Variants in LRRFIP2 observed in about 807,000 individuals in gnomAD.
The protein encoded by LRRFIP2 is LRR binding FLII interacting protein 2.
In LRRFIP2, 109 loss-of-function variants were observed where a neutral mutation model predicts 125.9. That is an observed-to-expected ratio of 0.87 (90% CI 0.74 to 1.01). The LOEUF is 1.01. Ranked by LOEUF, LRRFIP2 falls within the 50% of genes least tolerant of loss-of-function variation. The pLI is 0.00. For synonymous variants in LRRFIP2, 291 were observed against 293.1 expected, an observed-to-expected ratio of 0.99 and a Z score of 0.07; for missense variants, 850 against 862.3, an observed-to-expected ratio of 0.99 and a Z score of 0.18.
chr3:37,088,761 C>A (rs889569878), intron 18 of LRRFIP2, among the ~76,000 whole-genome samples: 1 of 151,966 alleles, frequency 6.6e-6, no homozygotes, highest in Non-Finnish European at 1.5e-5. Context: ...TGTGTCACTA[C>A]ACTCCAGCTT....
intron 2 of LRRFIP2, chr3:37,134,804 ATTCT>A: frequency 1.2e-6 from 1 of 857,878 alleles, no homozygotes; most frequent in Non-Finnish European, 2.0e-6. Flanking sequence ...AAAGCGGTGT[ATTCT>A]TTTTGGCAAT....
chr3:37,069,744 TAAA>T lies in LRRFIP2; in HGVS notation c.1464+3043_1464+3045del, dbSNP rs1197179616. Among the ~76,000 whole-genome samples, 11 of 152,296 alleles carry T rather than the reference TAAA, an allele frequency of 7.2e-5. No homozygotes were observed. In the East Asian group the frequency reaches 1.9e-3, roughly 27 times the overall value. On this transcript the variant is annotated intron_variant, in intron 21 of 27. Transcript: ENST00000336686. ...TGTACTTTAGCACAATTTTTCAAAT[TAAA>T]AAAGAGTCAACTCGTGATTCAATAA...
chr3:37,108,092 G>C lies in LRRFIP2; in HGVS notation c.695C>G (p.Ser232Ter), dbSNP rs1189163234. The change falls in exon 13 of 28, where the codon TCA becomes TGA. Residue 232 changes from serine (S) to a stop codon, truncating the protein, a stop_gained. Coordinates refer to ENST00000336686, the MANE Select transcript of LRRFIP2 (RefSeq NM_006309.4). LOFTEE classifies it high-confidence loss of function. ...ECSYYSSRIS[S>*]ARSSPGFTND... The stretch of plus-strand genomic sequence containing the variant: ...GCTCACCCCTGGACTGCTTCGGGCT[G>C]AACTTATTCTTGATGAATAATAACT... 6.2e-7 allele frequency: 1 copy of C among 1,613,876 alleles called. No homozygotes were observed. Among genetic ancestry groups the C allele is most frequent in the South Asian group, 1.1e-5 (1 of 91,060 alleles).
At chr3:37,113,148 T>C (rs2094613035) in intron 7 of LRRFIP2, among the ~76,000 whole-genome samples, 168 bp from the exon 8 acceptor site, 1 of 152,198 alleles carries the variant, frequency 6.6e-6, no homozygotes, top group South Asian at 2.1e-4. Flanking sequence ...CTTTACTAGC[T>C]AGTCTACCTG....
chr3:37,103,868 A>G (rs1324691448), intron 14 of LRRFIP2, among the ~76,000 whole-genome samples: 1 of 152,230 alleles, frequency 6.6e-6, no homozygotes, highest in African/African-American at 2.4e-5. Context: ...CTGGCTTAAA[A>G]TAGTATTCCT....
intron 1 of LRRFIP2, among the ~76,000 whole-genome samples, chr3:37,153,026 G>GT (rs2096075343): frequency 6.6e-6 from 1 of 152,110 alleles, no homozygotes; most frequent in Non-Finnish European, 1.5e-5. Context: ...TTTAACAGTG[G>GT]TTTTTTTAGG....
intron 24 of LRRFIP2, among the ~76,000 whole-genome samples, chr3:37,063,514 C>T (rs1378289668): frequency 6.6e-6 from 1 of 152,200 alleles, no homozygotes; most frequent in African/African-American, 2.4e-5. Flanking sequence ...GTGTTCATAA[C>T]AAGCTTTGTA....
At position 37,129,845 on chromosome 3, in the gene LRRFIP2, T is replaced by C. The variant is rs184074106; in HGVS notation, c.91-696A>G. Among the ~76,000 whole-genome samples, 13 of 151,806 alleles carry C rather than the reference T, an allele frequency of 8.6e-5. No homozygotes were observed. The East Asian group carries it at 2.3e-3, about 27-fold the overall frequency. On this transcript the variant is annotated intron_variant, in intron 2 of 27. Coordinates refer to ENST00000336686, the MANE Select transcript of LRRFIP2 (RefSeq NM_006309.4). ...CTGTCTCTACTAAAAATAAAAAAAA[T>C]AGCCAGGTGTGGTGGTGCACACTTG...
At chr3:37,062,231 G>A (rs1226503009) in intron 24 of LRRFIP2, among the ~76,000 whole-genome samples, 3 of 152,102 alleles carry the variant, frequency 2.0e-5, no homozygotes, top group Non-Finnish European at 4.4e-5. Context: ...ATATAATATT[G>A]TCTGATGTCT....
In LRRFIP2 at chr3:37,062,363, T is replaced by C. The variant is rs373172767; in HGVS notation, c.1749+1379A>G. On this transcript the variant is annotated intron_variant, in intron 24 of 27. Transcript: ENST00000336686. Reference sequence around the variant, plus strand: ...AGAATCTCACTCAACATTTGTTGAATGACTGAATAGGAGTTCCAAAATAGA... The same window carrying C: ...AGAATCTCACTCAACATTTGTTGAACGACTGAATAGGAGTTCCAAAATAGA... 7.9e-5 allele frequency among the ~76,000 whole-genome samples: 12 copies of C among 152,212 alleles called. No homozygotes were observed. The South Asian group carries it at 2.1e-3, about 26-fold the overall frequency.
chr3:37,063,869 T>G, intron 23 of LRRFIP2, 78 bp from the exon 24 acceptor site: 1 of 951,192 alleles, frequency 1.1e-6, no homozygotes, highest in Non-Finnish European at 1.7e-6. Context: ...TTCAAACTCA[T>G]AAACAGCTAA....
In LRRFIP2 at chr3:37,102,987, G is replaced by A. The variant is rs775052797; in HGVS notation, c.810C>T (p.Arg270=). ...AGACAACACTTCCCCTACGATTGGA[G>A]CGACTGAAATAATCAGCGGCAGATA... is the stretch of plus-strand genomic sequence containing the variant. ...SVVSAADYFS[R]SNRRGSVVSE... The change falls in exon 15 of 28, where the codon CGC becomes CGT. Residue 270 remains arginine (R), a synonymous_variant. Transcript: ENST00000336686. 6.4e-7 allele frequency: 1 copy of A among 1,565,922 alleles called. No homozygotes were observed. The highest frequency in any genetic ancestry group is 1.2e-5 in the South Asian group (1 of 85,158).
At chr3:37,131,189 G>A (rs1032801353) in intron 2 of LRRFIP2, among the ~76,000 whole-genome samples, 8 of 152,122 alleles carry the variant, frequency 5.3e-5, no homozygotes, top group African/African-American at 1.4e-4. Flanking sequence ...CACGTGTACT[G>A]GGTGCATCCC....
chr3:37,163,561 G>C (rs2096400681), intron 1 of LRRFIP2, among the ~76,000 whole-genome samples: 1 of 152,290 alleles, frequency 6.6e-6, no homozygotes, highest in Non-Finnish European at 1.5e-5. Flanking sequence ...GTCCCTCAAT[G>C]ACTCTGTGGA....
At chr3:37,151,681 T>A (rs1435821785) in intron 1 of LRRFIP2, among the ~76,000 whole-genome samples, 2 of 150,974 alleles carry the variant, frequency 1.3e-5, no homozygotes, top group African/African-American at 4.9e-5. Context: ...CACTGCAACC[T>A]CCGCCTCCCG....
chr3:37,146,719 TG>T (rs1170596949), intron 2 of LRRFIP2, among the ~76,000 whole-genome samples: 1 of 152,234 alleles, frequency 6.6e-6, no homozygotes, highest in African/African-American at 2.4e-5. Context: ...CTATCACTGA[TG>T]GGCATTTGAG....
intron 17 of LRRFIP2, 77 bp from the exon 18 acceptor site, chr3:37,091,615 T>A: frequency 9.7e-7 from 1 of 1,028,340 alleles, no homozygotes; most frequent in Non-Finnish European, 1.4e-6. Flanking sequence ...TCAGATGAAA[T>A]GTGACTCACT....
chr3:37,133,905 C>T lies in LRRFIP2; in HGVS notation c.91-4756G>A, dbSNP rs75192353. On this transcript the variant is annotated intron_variant, in intron 2 of 27. Transcript: ENST00000336686. The stretch of plus-strand genomic sequence containing the variant: ...TTATTTAAATACTTTTAGAGTCTTT[C>T]GGCTGATATGACCCCAACTGTTATA... Among the ~76,000 whole-genome samples the T allele has an allele frequency of 7.5e-3, 1,148 of 152,086 alleles. 17 individuals carry two copies. Among genetic ancestry groups the T allele is most frequent in the African/African-American group, 0.026 (1,090 of 41,468 alleles).
rs74676504 is a variant in LRRFIP2, at chr3:37,055,963, C to T, written c.1871-798G>A. ...AGCTCAATTTTCACCTCTTTCATGA[C>T]TCCCCTTAATTATAAGTCCTTCCCT... On this transcript the variant is annotated intron_variant, in intron 25 of 27. Transcript: ENST00000336686. Among the ~76,000 whole-genome samples, 342 of 152,314 alleles carry T rather than the reference C, an allele frequency of 2.2e-3. 5 individuals are homozygous for T. The highest frequency in any genetic ancestry group is 1.7e-3 in the East Asian group (9 of 5,182).
Sources: allele counts gnomAD v4.1 joint callset (sites outside exome capture counted in the v4.1 genomes callset), GRCh38; gene constraint gnomAD v4.1.1; transcripts MANE v1.5; gene names NCBI Gene and HGNC (gene_info 2026-07-23, HGNC 2026-07-21).